Variants in ACER3 observed in about 807,000 individuals in gnomAD.
ACER3 encodes alkaline ceramidase 3.
ACER3 carries 16 observed loss-of-function variants against 48.9 expected under a neutral mutation model. That is an observed-to-expected ratio of 0.33 (90% CI 0.22 to 0.50). The LOEUF (loss-of-function observed/expected upper bound fraction) is 0.50. Among genes scored for constraint, ACER3 ranks in the 20% least tolerant of loss-of-function variants. The pLI is 0.98. For synonymous variants in ACER3, 109 were observed against 107.8 expected (o/e 1.01, Z -0.07); for missense variants, 227 against 326.0 (o/e 0.70, Z 2.34).
intron 2 of ACER3, among the ~76,000 whole-genome samples, chr11:76,935,016 AAACT>A (rs1428210687): frequency 6.6e-6 from 1 of 152,198 alleles, no homozygotes; most frequent in Non-Finnish European, 1.5e-5. Flanking sequence ...AAAAATTTAA[AAACT>A]AATAACAGAA....
chr11:76,954,474 T>A (rs1337892691), intron 2 of ACER3, among the ~76,000 whole-genome samples: 1 of 152,208 alleles, frequency 6.6e-6, no homozygotes, highest in Non-Finnish European at 1.5e-5. Context: ...TAAATATTAC[T>A]TCCTCAGACA....
chr11:76,898,334 A>AT (rs1185485902), intron 1 of ACER3, among the ~76,000 whole-genome samples: 1 of 152,142 alleles, frequency 6.6e-6, no homozygotes, highest in African/African-American at 2.4e-5. Context: ...TAGTATTTAC[A>AT]TTTCACTTTT....
intron 1 of ACER3, among the ~76,000 whole-genome samples, chr11:76,920,285 T>C (rs1517906): frequency 0.68 from 103,364 of 152,008 alleles, 35,541 homozygotes; most frequent in Non-Finnish European, 0.74. Context: ...CACCTACCTC[T>C]CCGCTCTATG....
chr11:76,861,293 G>A (rs1396956220), intron 1 of ACER3, among the ~76,000 whole-genome samples: 1 of 142,374 alleles, frequency 7.0e-6, no homozygotes, highest in Non-Finnish European at 1.5e-5. Flanking sequence ...TGGGAGGGAG[G>A]AAGGGGGCCT....
intron 6 of ACER3, among the ~76,000 whole-genome samples, chr11:76,990,977 T>G (rs1280143150): frequency 6.6e-6 from 1 of 152,198 alleles, no homozygotes; most frequent in Non-Finnish European, 1.5e-5. Context: ...GGAGGTGATG[T>G]ACATTGAAGG....
At chr11:76,873,810 A>G (rs1945301942) in intron 1 of ACER3, among the ~76,000 whole-genome samples, 1 of 152,160 alleles carries the variant, frequency 6.6e-6, no homozygotes. Context: ...GGACAGTACA[A>G]TTCCTCAAAC....
intron 1 of ACER3, among the ~76,000 whole-genome samples, chr11:76,884,801 T>C (rs901797804): frequency 6.6e-6 from 1 of 152,186 alleles, no homozygotes; most frequent in Non-Finnish European, 1.5e-5. Context: ...TCTCACTCTG[T>C]TGTCCAGGCT....
chr11:76,860,949 G>A lies in ACER3; in HGVS notation c.-28G>A. On this transcript the variant is annotated 5_prime_UTR_variant, in exon 1 of 11. Transcript: ENST00000532485. ...AGCCTAACCCGGCACAGTGAGCGGA[G>A]CGCCTGGGCGGCGGCGGCGGCGGCG... 1 of 1,498,684 alleles carries A rather than the reference G, an allele frequency of 6.7e-7. No homozygotes were observed. Among genetic ancestry groups the A allele is most frequent in the African/African-American group, 1.4e-5 (1 of 71,078 alleles). 92.8% of individuals were successfully genotyped at this position (1,498,684 alleles called of 1,614,324 possible). A position where few individuals can be genotyped will look rare whatever the true frequency, so the allele number is the denominator to read the frequency against.
chr11:76,931,582 A>T (rs1358257050), intron 2 of ACER3, among the ~76,000 whole-genome samples: 1 of 152,138 alleles, frequency 6.6e-6, no homozygotes, highest in East Asian at 1.9e-4. Flanking sequence ...ACAATTTGGC[A>T]TGTTTTTGCA....
intron 1 of ACER3, among the ~76,000 whole-genome samples, chr11:76,864,065 T>C (rs761952842): frequency 7.9e-5 from 12 of 152,238 alleles, no homozygotes; most frequent in South Asian, 6.2e-4. Context: ...TTAGAATATA[T>C]GTATTTTAGG....
intron 2 of ACER3, among the ~76,000 whole-genome samples, chr11:76,944,554 T>C (rs1452048460): frequency 6.6e-6 from 1 of 152,180 alleles, no homozygotes; most frequent in Non-Finnish European, 1.5e-5. Context: ...GCCTGTAAGG[T>C]TTCTATTAGA....
intron 3 of ACER3, among the ~76,000 whole-genome samples, chr11:76,961,740 C>G (rs951609300): frequency 1.5e-4 from 22 of 146,930 alleles, no homozygotes; most frequent in Middle Eastern, 3.2e-3. Flanking sequence ...ATAATGTAAC[C>G]CGATGAGTAA....
At chr11:76,948,211 CTGTGTGTGTGTGTGTGTGTGTG>C (rs57302394) in intron 2 of ACER3, among the ~76,000 whole-genome samples, 16 of 135,766 alleles carry the variant, frequency 1.2e-4, no homozygotes, top group African/African-American at 2.4e-4. Context: ...CTGGCTCACT[CTGTGTGTGTGTGTGTGTGTGTG>C]TGTGTGTGTG....
At chr11:76,936,018 C>CA (rs1947171464) in intron 2 of ACER3, among the ~76,000 whole-genome samples, 1 of 152,132 alleles carries the variant, frequency 6.6e-6, no homozygotes, top group Non-Finnish European at 1.5e-5. Flanking sequence ...AAACACCCTG[C>CA]ATTAGTTTGT....
In ACER3 at chr11:76,998,756, T is replaced by G; in HGVS notation, c.439-7T>G. Reference sequence around the variant, plus strand: ...TTGTACTAACCTCATTTTCCGTTCCTATTTAGGTCATGTATGGAATGTTGG... The same window carrying G: ...TTGTACTAACCTCATTTTCCGTTCCGATTTAGGTCATGTATGGAATGTTGG... On this transcript the variant is annotated splice_polypyrimidine_tract_variant and splice_region_variant and intron_variant, in intron 6 of 10. Coordinates refer to ENST00000532485, the MANE Select transcript of ACER3 (RefSeq NM_018367.7). 1 of 1,589,094 alleles carries G rather than the reference T, an allele frequency of 6.3e-7. No homozygotes were observed. Among genetic ancestry groups the G allele is most frequent in the African/African-American group, 1.4e-5 (1 of 73,738 alleles).
intron 5 of ACER3, among the ~76,000 whole-genome samples, chr11:76,988,149 G>C (rs1203178400): frequency 6.6e-6 from 1 of 152,146 alleles, no homozygotes. Context: ...TGAATATTGA[G>C]AGCTAATAGA....
At chr11:76,868,507 G>T (rs1291415077) in intron 1 of ACER3, among the ~76,000 whole-genome samples, 1 of 150,382 alleles carries the variant, frequency 6.6e-6, no homozygotes, top group East Asian at 2.0e-4. Flanking sequence ...GGGCACTGTA[G>T]GCCTCAAAAC....
chr11:76,914,523 A>G (rs570833058), intron 1 of ACER3, among the ~76,000 whole-genome samples: 1 of 152,188 alleles, frequency 6.6e-6, no homozygotes, highest in African/African-American at 2.4e-5. Context: ...TAGAATGGCG[A>G]TCATTAAAAA....
At position 76,877,266 on chromosome 11, in the gene ACER3, T is replaced by C. The variant is rs117976824; in HGVS notation, c.103+16187T>C. Among the ~76,000 whole-genome samples the C allele has an allele frequency of 3.3e-4, 50 of 152,208 alleles. No homozygotes were observed. The East Asian group carries it at 8.9e-3, about 27-fold the overall frequency. ...TCATCATAGGTGTAGACTCTCGCTC[T>C]AACATATGTTCTTTAACTTTTCAGA... On this transcript the variant is annotated intron_variant, in intron 1 of 10. Transcript: ENST00000532485.
Sources: allele counts gnomAD v4.1 joint callset (sites outside exome capture counted in the v4.1 genomes callset), GRCh38; gene constraint gnomAD v4.1.1; transcripts MANE v1.5; gene names NCBI Gene and HGNC (gene_info 2026-07-23, HGNC 2026-07-21).